VPS13B: variants seen among roughly 807,000 people sequenced by gnomAD.
VPS13B encodes the protein intermembrane lipid transfer protein VPS13B.
A neutral mutation model predicts 426.4 loss-of-function variants in VPS13B; 285 were observed. That is an observed-to-expected ratio of 0.67 (90% CI 0.61 to 0.74). The LOEUF (loss-of-function observed/expected upper bound fraction) is 0.74, where lower values mean the gene tolerates loss of function less well. Among genes scored for constraint, VPS13B ranks in the 30% least tolerant of loss-of-function variants. VPS13B has a pLI of 0.00. For missense variants in VPS13B, 4,537 were observed against 4,782.6 expected (o/e 0.95, Z 1.51); for synonymous variants, 1,676 against 1,676.4 (o/e 1.00, Z 0.01).
intron 19 of VPS13B, among the ~76,000 whole-genome samples, chr8:99,348,504 G>A (rs1210047936): frequency 6.6e-6 from 1 of 152,194 alleles, no homozygotes; most frequent in African/African-American, 2.4e-5. Context: ...TACCTCTGCA[G>A]TGCTAAACAT....
chr8:99,079,850 G>A (rs1845348255), intron 3 of VPS13B, among the ~76,000 whole-genome samples: 3 of 151,430 alleles, frequency 2.0e-5, no homozygotes, highest in Non-Finnish European at 2.9e-5. Flanking sequence ...GCTTGAACCC[G>A]GGAGGTGGAG....
At chr8:99,278,113 T>C (rs888428280) in intron 19 of VPS13B, among the ~76,000 whole-genome samples, 4 of 152,114 alleles carry the variant, frequency 2.6e-5, no homozygotes, top group African/African-American at 7.2e-5. Context: ...TTTCCCATGG[T>C]CTTATAGAAT....
intron 58 of VPS13B, among the ~76,000 whole-genome samples, chr8:99,867,817 T>A (rs1362726377): frequency 6.6e-6 from 1 of 152,118 alleles, no homozygotes; most frequent in Non-Finnish European, 1.5e-5. Flanking sequence ...GTATTAATAC[T>A]ACTAAATTAT....
At chr8:99,013,707 CTCTTT>C in intron 1 of VPS13B, 48 bp from the exon 2 acceptor site, 14 of 1,561,024 alleles carry the variant, frequency 9.0e-6, no homozygotes, top group Non-Finnish European at 1.2e-5. Flanking sequence ...ATAACGAACG[CTCTTT>C]CCTTCACTCT....
At chr8:99,262,313 G>GT (rs200326799) in intron 17 of VPS13B, among the ~76,000 whole-genome samples, 1,923 of 152,210 alleles carry the variant, frequency 0.013, 45 homozygotes, top group African/African-American at 0.044. Flanking sequence ...CACTACATCT[G>GT]TTTTTTGCTG....
At position 99,425,612 on chromosome 8, in the gene VPS13B, C is replaced by T. The variant is rs1456168919; in HGVS notation, c.3083-5925C>T. Among the ~76,000 whole-genome samples, 10 of 152,242 alleles carry T rather than the reference C, an allele frequency of 6.6e-5. 1 individual carries two copies. The highest frequency in any genetic ancestry group is 2.2e-4 in the African/African-American group (9 of 41,550). ...TGACAAACCCACAGCCAATATCATA[C>T]TGAATGGGCAAAAACTGGAAGCATT... On this transcript the variant is annotated intron_variant, in intron 21 of 61. Coordinates refer to ENST00000357162, the MANE Select transcript of VPS13B (RefSeq NM_152564.5).
intron 43 of VPS13B, among the ~76,000 whole-genome samples, chr8:99,786,615 C>T (rs952215625): frequency 5.3e-5 from 8 of 152,164 alleles, no homozygotes; most frequent in African/African-American, 1.7e-4. Context: ...GCTTCTTAAT[C>T]ACAAACTCTA....
intron 35 of VPS13B, 73 bp from the exon 36 acceptor site, chr8:99,699,452 C>T (rs1832179472): frequency 5.9e-6 from 9 of 1,531,358 alleles, no homozygotes; most frequent in Admixed American, 3.6e-5. Context: ...TATGTAGGAG[C>T]TTGTCAGAGA....
intron 33 of VPS13B, among the ~76,000 whole-genome samples, chr8:99,623,339 G>A (rs890019008): frequency 2.0e-5 from 3 of 152,052 alleles, no homozygotes; most frequent in Admixed American, 2.0e-4. Context: ...AACCCTTCCT[G>A]ATCTCCTTTA....
At chr8:99,024,153 A>G (rs1322380314) in intron 2 of VPS13B, among the ~76,000 whole-genome samples, 1 of 152,090 alleles carries the variant, frequency 6.6e-6, no homozygotes, top group Admixed American at 6.6e-5. Context: ...CCCTGTGATT[A>G]GTGATGTTGA....
At chr8:99,222,700 C>T (rs183312721) in intron 17 of VPS13B, among the ~76,000 whole-genome samples, 12 of 152,168 alleles carry the variant, frequency 7.9e-5, no homozygotes, top group South Asian at 2.1e-4. Flanking sequence ...TTGAATGGAC[C>T]GTATGGGTGC....
At chr8:99,453,360 A>G (rs1025753437) in intron 23 of VPS13B, among the ~76,000 whole-genome samples, 1 of 152,210 alleles carries the variant, frequency 6.6e-6, no homozygotes, top group African/African-American at 2.4e-5. Context: ...CCTTGGGGAG[A>G]AAAGGAAGCT....
intron 19 of VPS13B, among the ~76,000 whole-genome samples, chr8:99,280,632 TTC>T (rs1221831383): frequency 2.0e-5 from 3 of 152,178 alleles, no homozygotes; most frequent in Non-Finnish European, 4.4e-5. Context: ...TTTTCTCTAT[TTC>T]TGTTTCTTCC....
At chr8:99,018,040 C>T (rs1302527133) in intron 2 of VPS13B, among the ~76,000 whole-genome samples, 1 of 152,054 alleles carries the variant, frequency 6.6e-6, no homozygotes, top group Non-Finnish European at 1.5e-5. Flanking sequence ...GCATGTATTT[C>T]ATTAAATTTT....
intron 21 of VPS13B, among the ~76,000 whole-genome samples, chr8:99,403,164 T>A (rs572414701): frequency 3.3e-5 from 5 of 152,298 alleles, no homozygotes; most frequent in Admixed American, 3.3e-4. Flanking sequence ...TTCATGTTGG[T>A]TTAACCTTCT....
Position 99,699,654 on chromosome 8 carries a change from C to T in VPS13B, c.6176C>T (p.Ala2059Val). Residue 2059 changes from alanine to valine, a missense_variant, in exon 36 of 62, where the codon GCC (alanine) becomes GTC (valine). Ala to Val is a moderately conservative substitution (Grantham distance 64). This residue lies in a region of VPS13B where 4,311 missense variants were observed against 4,474.3 expected (regional missense o/e 0.96). Transcript: ENST00000357162. ...TTGGCACATAGTGAAGAGACTTCAG[C>T]CATGTCCAACACCATGGTGAATAAG... is the stretch of plus-strand genomic sequence containing the variant. Reference protein sequence around the residue: ...HSLAHSEETSAMSNTMVNKDD... With the variant: ...HSLAHSEETSVMSNTMVNKDD... 6.2e-7 allele frequency: 1 copy of T among 1,614,086 alleles called. No individual in the cohort carries two copies. The highest frequency in any genetic ancestry group is 8.5e-7 in the Non-Finnish European group (1 of 1,180,010).
intron 1 of VPS13B, among the ~76,000 whole-genome samples, 188 bp downstream of exon 1, chr8:99,013,535 T>A (rs1216311546): frequency 6.6e-6 from 1 of 152,182 alleles, no homozygotes; most frequent in East Asian, 1.9e-4. Flanking sequence ...AGGGACCCGC[T>A]CTCTTCTGGT....
chr8:99,260,968 T>A (rs577270412), intron 17 of VPS13B, among the ~76,000 whole-genome samples: 34 of 152,148 alleles, frequency 2.2e-4, no homozygotes, highest in African/African-American at 7.9e-4. Flanking sequence ...TAATTTTTTT[T>A]AAGAGCAGTT....
chr8:99,473,226 C>A (rs566941996), intron 24 of VPS13B, among the ~76,000 whole-genome samples: 1 of 152,012 alleles, frequency 6.6e-6, no homozygotes, highest in South Asian at 2.1e-4. Flanking sequence ...GTATTAATAT[C>A]CCTCATGAAA....
Sources: gnomAD v4.1 joint callset for allele counts (sites outside exome capture counted in the v4.1 genomes callset) on GRCh38, gnomAD v4.1.1 for gene constraint, gnomAD v4.1.1 regional missense constraint, MANE v1.5 for transcripts, NCBI Gene and HGNC (gene_info 2026-07-23, HGNC 2026-07-21) for gene names.